Variants in DNAH12 observed in about 807,000 individuals in gnomAD.
DNAH12 encodes dynein axonemal heavy chain 12.
A neutral mutation model predicts 371.5 loss-of-function variants in DNAH12; 285 were observed. The observed-to-expected ratio is 0.77, with a 90% CI of 0.70 to 0.85. The LOEUF (loss-of-function observed/expected upper bound fraction) is 0.85. DNAH12 is among the 40% of genes least tolerant of loss of function. The probability of loss-of-function intolerance (pLI) is 0.00; values close to 1 mark genes in which losing one functional copy is unlikely to be tolerated. For missense variants in DNAH12, 3,611 were observed against 3,689.4 expected, an observed-to-expected ratio of 0.98 and a Z score of 0.55; for synonymous variants, 1,200 against 1,213.0, an observed-to-expected ratio of 0.99 and a Z score of 0.22.
Position 57,512,999 on chromosome 3 carries a change from C to T in DNAH12, c.280-2020G>A, listed in dbSNP as rs144789967. Among the ~76,000 whole-genome samples the T allele has an allele frequency of 4.3e-3, 652 of 152,040 alleles. 4 individuals carry two copies. The highest frequency in any genetic ancestry group is 6.8e-3 in the Middle Eastern group (2 of 294). ...TAAAAATACAAAAAAATTAGCCAGGCGTGGTGGCAGGCACCTGTAATTCCA... is the reference window on the plus strand; with the variant it reads ...TAAAAATACAAAAAAATTAGCCAGGTGTGGTGGCAGGCACCTGTAATTCCA... On this transcript the variant is annotated intron_variant, in intron 4 of 73. Transcript: ENST00000495027.
intron 67 of DNAH12, 54 bp from the exon 68 acceptor site, chr3:57,309,908 A>G: frequency 4.7e-6 from 7 of 1,480,194 alleles, no homozygotes; most frequent in Non-Finnish European, 6.3e-6. Flanking sequence ...ACTGAAAGGG[A>G]TGATCAGGAT....
chr3:57,301,687 CA>C, intron 70 of DNAH12, 47 bp downstream of exon 70: 2 of 233,438 alleles, frequency 8.6e-6, no homozygotes, highest in Non-Finnish European at 1.2e-5. Context: ...TACACACACA[CA>C]CACACACACA....
At chr3:57,509,680 G>A (rs1012402000) in intron 5 of DNAH12, among the ~76,000 whole-genome samples, 4 of 151,832 alleles carry the variant, frequency 2.6e-5, no homozygotes, top group African/African-American at 4.8e-5. Flanking sequence ...TAGCCAACAT[G>A]GTGAAACCCC....
rs1181273811 is a variant in DNAH12 at position 57,361,392 on chromosome 3, C to T, written c.9360+2202G>A. Among the ~76,000 whole-genome samples the T allele has an allele frequency of 1.4e-4, 21 of 145,858 alleles. No individual in the cohort carries two copies. The East Asian group carries it at 1.8e-3, about 13-fold the overall frequency. ...ATATATACACACACTTATATATATA[C>T]ATACGCACTATATATATATACACAC... On this transcript the variant is annotated intron_variant, in intron 58 of 73. Transcript: ENST00000495027.
chr3:57,555,539 A>G, the DNAH12 span, among the ~76,000 whole-genome samples: 1 of 152,160 alleles, frequency 6.6e-6, no homozygotes, highest in Admixed American at 6.5e-5. Flanking sequence ...ACCTGTCTCT[A>G]ATAAAAAATA....
At chr3:57,381,121 A>G (rs1168068314) in intron 50 of DNAH12, among the ~76,000 whole-genome samples, 2 of 152,210 alleles carry the variant, frequency 1.3e-5, no homozygotes, top group African/African-American at 4.8e-5. Context: ...AAGGCCAAAG[A>G]GTACACATTG....
chr3:57,388,024 T>A (rs1175129563), intron 45 of DNAH12, among the ~76,000 whole-genome samples: 1 of 152,158 alleles, frequency 6.6e-6, no homozygotes, highest in Non-Finnish European at 1.5e-5. Context: ...TCTACTATAA[T>A]GTCCAAAGTT....
chr3:57,308,933 C>T (rs912339456), intron 69 of DNAH12, among the ~76,000 whole-genome samples: 2 of 151,966 alleles, frequency 1.3e-5, no homozygotes, highest in East Asian at 1.9e-4. Context: ...TACAATATCA[C>T]CCCTTACCAC....
At position 57,509,192 on chromosome 3, in the gene DNAH12, G is replaced by T. The variant is rs1325446848; in HGVS notation, c.490C>A (p.Pro164Thr). The change falls in exon 6 of 74, where the codon CCA becomes ACA. Residue 164 changes from proline (P) to threonine (T), a missense_variant. Pro to Thr is a conservative substitution (Grantham distance 38). Transcript: ENST00000495027. ...TCATCTTCAAGCGATTTAACTGGTG[G>T]TTTCACAAGAACGCTCTGCACTAAA... is the stretch of plus-strand genomic sequence containing the variant. ...RYLVQSVLVKPPVKSLEDEGG... is the reference protein window; with the variant it reads ...RYLVQSVLVKTPVKSLEDEGG... 8.7e-6 allele frequency: 14 copies of T among 1,613,614 alleles called. No homozygotes were observed. The highest frequency in any genetic ancestry group is 1.1e-5 in the Non-Finnish European group (13 of 1,179,936).
chr3:57,332,637 G>A (rs2062125827), intron 62 of DNAH12, among the ~76,000 whole-genome samples: 2 of 152,218 alleles, frequency 1.3e-5, no homozygotes, highest in Admixed American at 1.3e-4. Context: ...CAAGGCTGCT[G>A]GAAGTTGCAG....
chr3:57,432,393 T>C (rs1277106651), intron 32 of DNAH12, among the ~76,000 whole-genome samples: 1 of 151,346 alleles, frequency 6.6e-6, no homozygotes, highest in Non-Finnish European at 1.5e-5. Context: ...TTGCTCAGGC[T>C]GGTCTCGAAC....
intron 4 of DNAH12, among the ~76,000 whole-genome samples, chr3:57,523,167 G>C (rs554348607): frequency 1.3e-5 from 2 of 152,086 alleles, no homozygotes; most frequent in Non-Finnish European, 2.9e-5. Context: ...AGGATCACTT[G>C]AGTCCAGGAG....
At chr3:57,305,261 C>G (rs1228927170) in intron 69 of DNAH12, among the ~76,000 whole-genome samples, 3 of 152,138 alleles carry the variant, frequency 2.0e-5, no homozygotes, top group East Asian at 1.9e-4. Context: ...CCTCTCACCT[C>G]TCCCCTCAAT....
intron 45 of DNAH12, 129 bp from the exon 46 acceptor site, chr3:57,387,348 A>G (rs890867417): frequency 4.6e-5 from 7 of 152,232 alleles, no homozygotes; most frequent in Non-Finnish European, 1.0e-4. Context: ...GAGAAAATCA[A>G]AACTTTAATG....
intron 52 of DNAH12, among the ~76,000 whole-genome samples, chr3:57,378,457 C>A (rs909194588): frequency 5.3e-5 from 8 of 152,158 alleles, no homozygotes; most frequent in Non-Finnish European, 1.0e-4. Context: ...GTACATATAT[C>A]ATTTAGGAAG....
intron 56 of DNAH12, among the ~76,000 whole-genome samples, chr3:57,367,747 T>C (rs1380640120): frequency 1.3e-5 from 2 of 152,116 alleles, no homozygotes; most frequent in African/African-American, 4.8e-5. Context: ...AACAGACTTT[T>C]GGTGGTCAAG....
intron 19 of DNAH12, among the ~76,000 whole-genome samples, chr3:57,460,723 T>C (rs1210729127): frequency 6.6e-6 from 1 of 152,202 alleles, no homozygotes; most frequent in Non-Finnish European, 1.5e-5. Context: ...ATAAATCTTC[T>C]ATTTATGCTC....
chr3:57,470,364 A>G (rs548619515), intron 16 of DNAH12, 79 bp downstream of exon 16: 2 of 1,237,638 alleles, frequency 1.6e-6, no homozygotes, highest in Admixed American at 6.6e-5. Flanking sequence ...TAAACACTTA[A>G]CCAAAAAAAA....
rs1258839611 is a variant in DNAH12, at chr3:57,489,587, C to T, written c.1436G>A (p.Gly479Asp). ...AAAGGCTTTTGCTTTATTTGTCAGG[C>T]CTGTCTTCAAATCTTCACAATCCAA... ...VRLDCEDLKT[G>D]LTNKAKAFAN... Residue 479 changes from glycine (G) to aspartate (D), a missense_variant, in exon 12 of 74, where the codon GGC (glycine) becomes GAC (aspartate). By Grantham distance (94) the Gly-to-Asp change is moderately conservative. This residue lies in a region of DNAH12 where 1,314 missense variants were observed against 1,398.7 expected (regional missense o/e 0.94). Coordinates refer to ENST00000495027, the MANE Select transcript of DNAH12 (RefSeq NM_001366028.2). 1.9e-6 allele frequency: 3 copies of T among 1,539,884 alleles called. No homozygotes were observed. The highest frequency in any genetic ancestry group is 1.4e-5 in the African/African-American group (1 of 72,272).
Sources: allele counts gnomAD v4.1 joint callset (sites outside exome capture counted in the v4.1 genomes callset), GRCh38; gene constraint gnomAD v4.1.1; regional missense constraint gnomAD v4.1.1; transcripts MANE v1.5; gene names NCBI Gene and HGNC (gene_info 2026-07-23, HGNC 2026-07-21).